PAX5: variants seen among roughly 807,000 people sequenced by gnomAD.
PAX5 encodes the protein paired box 5.
PAX5 carries 9 observed loss-of-function variants against 43.7 expected under a neutral mutation model. The observed-to-expected ratio is 0.21, with a 90% CI of 0.12 to 0.36. PAX5 has a LOEUF of 0.36. PAX5 is among the 10% of genes least tolerant of loss of function. PAX5 has a pLI of 1.00. For synonymous variants in PAX5, 228 were observed against 214.3 expected, an observed-to-expected ratio of 1.06 and a Z score of -0.56; for missense variants, 383 against 532.7, an observed-to-expected ratio of 0.72 and a Z score of 2.77.
intron 7 of PAX5, among the ~76,000 whole-genome samples, chr9:36,910,308 T>A (rs1829162600): frequency 6.6e-6 from 1 of 152,204 alleles, no homozygotes; most frequent in African/African-American, 2.4e-5. Context: ...GCATGCTGTA[T>A]ACACTATTCT....
chr9:36,845,367 C>T (rs866147316), intron 9 of PAX5, among the ~76,000 whole-genome samples: 4 of 152,196 alleles, frequency 2.6e-5, no homozygotes, highest in African/African-American at 2.4e-5. Context: ...CTAAGACAGA[C>T]GTCTGGGTCA....
At chr9:37,006,765 T>G (rs1564069732) in intron 3 of PAX5, among the ~76,000 whole-genome samples, 1 of 152,226 alleles carries the variant, frequency 6.6e-6, no homozygotes, top group Non-Finnish European at 1.5e-5. Flanking sequence ...GTAATTTGTT[T>G]CCTTGTGTAA....
intron 6 of PAX5, among the ~76,000 whole-genome samples, chr9:36,926,372 G>A (rs1354856830): frequency 6.6e-6 from 1 of 152,192 alleles, no homozygotes; most frequent in Non-Finnish European, 1.5e-5. Context: ...TGTTTCCCAT[G>A]TCAGTGGGTA....
intron 7 of PAX5, among the ~76,000 whole-genome samples, chr9:36,919,313 C>T (rs930746608): frequency 1.3e-5 from 2 of 152,170 alleles, no homozygotes; most frequent in Non-Finnish European, 2.9e-5. Flanking sequence ...CACCTGGTCA[C>T]CCAAGAGCTC....
At chr9:36,988,887 C>A (rs1035319398) in intron 5 of PAX5, among the ~76,000 whole-genome samples, 7 of 152,142 alleles carry the variant, frequency 4.6e-5, no homozygotes, top group Admixed American at 3.9e-4. Flanking sequence ...CCAGAAAAGG[C>A]AGGAATTATT....
At chr9:36,886,678 A>T (rs371979608) in intron 7 of PAX5, among the ~76,000 whole-genome samples, 4 of 151,428 alleles carry the variant, frequency 2.6e-5, no homozygotes, top group African/African-American at 9.7e-5. Context: ...CATTTCTTTC[A>T]TTTTTTTTTA....
intron 5 of PAX5, among the ~76,000 whole-genome samples, chr9:36,986,665 A>C (rs1836449401): frequency 1.3e-5 from 2 of 151,496 alleles, no homozygotes; most frequent in African/African-American, 2.4e-5. Flanking sequence ...AGCCCCGAGG[A>C]CTCCCGGCCG....
At chr9:36,956,943 T>TA (rs941542362) in intron 6 of PAX5, among the ~76,000 whole-genome samples, 10 of 152,234 alleles carry the variant, frequency 6.6e-5, no homozygotes, top group Non-Finnish European at 1.3e-4. Context: ...AGTTAAATCT[T>TA]AAGCAGTTCA....
At chr9:36,919,969 G>A (rs971315662) in intron 7 of PAX5, among the ~76,000 whole-genome samples, 2 of 151,422 alleles carry the variant, frequency 1.3e-5, no homozygotes, top group African/African-American at 4.9e-5. Flanking sequence ...GGCTGAAAAT[G>A]ACTCACTTCA....
At chr9:36,866,064 A>G (rs1343509370) in intron 8 of PAX5, among the ~76,000 whole-genome samples, 2 of 152,222 alleles carry the variant, frequency 1.3e-5, no homozygotes, top group Non-Finnish European at 2.9e-5. Context: ...AAGGTCAGGA[A>G]GGTGCCTCAA....
At chr9:36,994,963 G>T (rs12336583) in intron 5 of PAX5, among the ~76,000 whole-genome samples, 26,411 of 152,060 alleles carry the variant, frequency 0.17, 2,757 homozygotes, top group East Asian at 0.34. Flanking sequence ...CCTTGGTCCT[G>T]ACTCCTTCCT....
In PAX5 at chr9:36,835,368, A is replaced by G. The variant is rs1821569221; in HGVS notation, c.*5192T>C. 1 of 232,294 alleles carries G rather than the reference A, an allele frequency of 4.3e-6. No individual in the cohort carries two copies. Among genetic ancestry groups the G allele is most frequent in the African/African-American group, 2.2e-5 (1 of 45,280 alleles). 14.4% of individuals were successfully genotyped at this position (232,294 alleles called of 1,614,324 possible). ...CCTGCCTGCTCCTGGCCGGCAGCTCATTTCAGAGAAGCTGTTGCCTCATCA... is the reference window on the plus strand; with the variant it reads ...CCTGCCTGCTCCTGGCCGGCAGCTCGTTTCAGAGAAGCTGTTGCCTCATCA... On this transcript the variant is annotated 3_prime_UTR_variant, in exon 10 of 10. Coordinates refer to ENST00000358127, the MANE Select transcript of PAX5 (RefSeq NM_016734.3).
intron 6 of PAX5, among the ~76,000 whole-genome samples, chr9:36,965,373 G>A (rs1023201175): frequency 1.3e-5 from 2 of 152,234 alleles, no homozygotes; most frequent in African/African-American, 2.4e-5. Context: ...ATGTGAATGC[G>A]TCTTGCAGCG....
At chr9:37,029,004 G>A (rs941882770) in intron 1 of PAX5, among the ~76,000 whole-genome samples, 2 of 152,212 alleles carry the variant, frequency 1.3e-5, no homozygotes, top group African/African-American at 2.4e-5. Context: ...ATAGTTCTGT[G>A]AGCCATCTGG....
At chr9:36,986,748 G>A (rs1836462664) in intron 5 of PAX5, among the ~76,000 whole-genome samples, 1 of 152,152 alleles carries the variant, frequency 6.6e-6, no homozygotes, top group East Asian at 1.9e-4. Flanking sequence ...TCCCCGCAGG[G>A]ACCTCGGCCT....
At chr9:36,982,108 T>C (rs1285549685) in intron 5 of PAX5, among the ~76,000 whole-genome samples, 2 of 151,754 alleles carry the variant, frequency 1.3e-5, no homozygotes, top group South Asian at 2.1e-4. Context: ...CTAGTAAAAA[T>C]ACAAAAATCA....
chr9:36,914,057 C>T (rs187007886), intron 7 of PAX5, among the ~76,000 whole-genome samples: 4 of 152,232 alleles, frequency 2.6e-5, no homozygotes, highest in South Asian at 4.2e-4. Flanking sequence ...CTCCAGAGGG[C>T]GTTTTGAAAA....
At chr9:36,889,482 T>C (rs1244502780) in intron 7 of PAX5, among the ~76,000 whole-genome samples, 1 of 152,252 alleles carries the variant, frequency 6.6e-6, no homozygotes, top group African/African-American at 2.4e-5. Flanking sequence ...TGAACCCTAT[T>C]GTTATCCCCA....
At chr9:36,851,043 G>A (rs1175305471) in intron 8 of PAX5, among the ~76,000 whole-genome samples, 1 of 152,220 alleles carries the variant, frequency 6.6e-6, no homozygotes, top group Non-Finnish European at 1.5e-5. Flanking sequence ...TCTGCCATCA[G>A]GCCATCTGCT....
Sources: allele counts gnomAD v4.1 joint callset (sites outside exome capture counted in the v4.1 genomes callset), GRCh38; gene constraint gnomAD v4.1.1; transcripts MANE v1.5; gene names NCBI Gene and HGNC (gene_info 2026-07-23, HGNC 2026-07-21).